The following LRRTM1 variants were observed in gnomAD, a reference collection of about 807,000 sequenced individuals.
LRRTM1 encodes leucine rich repeat transmembrane neuronal 1, also known as leucine-rich repeat transmembrane neuronal protein 1.
Under a neutral mutation model 37.3 loss-of-function variants are expected in LRRTM1, and 8 were observed. The observed-to-expected ratio is 0.21, with a 90% confidence interval of 0.13 to 0.39. The LOEUF (loss-of-function observed/expected upper bound fraction) is 0.39. Among genes scored for constraint, LRRTM1 ranks in the 10% least tolerant of loss-of-function variants. The probability of loss-of-function intolerance (pLI) is 1.00; values close to 1 mark genes in which losing one functional copy is unlikely to be tolerated. For missense variants in LRRTM1, 557 were observed against 691.0 expected (o/e 0.81, Z 2.17); for synonymous variants, 326 against 316.8 (o/e 1.03, Z -0.31).
intron 2 of LRRTM1, among the ~76,000 whole-genome samples, chr2:80,290,220 A>G (rs1368550388): frequency 6.6e-6 from 1 of 152,194 alleles, no homozygotes; most frequent in Non-Finnish European, 1.5e-5. Context: ...AATTAATTCC[A>G]TGCCAGATAG....
downstream of LRRTM1, chr2:80,298,091 A>G (rs991276797): frequency 2.6e-5 from 4 of 151,778 alleles, no homozygotes; most frequent in Admixed American, 6.6e-5. Context: ...GTGTGCTGTT[A>G]TATATACAGA....
At position 80,304,246 on chromosome 2, in the gene LRRTM1, G is replaced by T. The variant is rs1249851462; in HGVS notation, c.-154C>A. 6.4e-6 allele frequency: 1 copy of T among 155,976 alleles called. No homozygotes were observed. The highest frequency in any genetic ancestry group is 1.4e-5 in the Non-Finnish European group (1 of 70,494). 9.7% of individuals were successfully genotyped at this position (155,976 alleles called of 1,614,324 possible). On this transcript the variant is annotated 5_prime_UTR_variant, in exon 1 of 2. Coordinates refer to ENST00000295057, the MANE Select transcript of LRRTM1 (RefSeq NM_178839.5). ...AGAGAAGACCCCTCTGTGTTTCCGA[G>T]GCAGCCCCGGTCCGCGGCCGGCGGA...
Position 80,302,147 on chromosome 2 carries a change from G to C in LRRTM1, c.*104C>G, listed in dbSNP as rs1676378809. On this transcript the variant is annotated 3_prime_UTR_variant, in exon 2 of 2. Coordinates refer to ENST00000295057, the MANE Select transcript of LRRTM1 (RefSeq NM_178839.5). The surrounding 1 kb of genome is among the most constrained non-coding windows in gnomAD (Gnocchi z 6.4). ...ATCCCCTTAAAGTTTCAGTCAAGGA[G>C]CATATCAGAGCACAGACAAGGAGAC... 1.4e-5 allele frequency: 19 copies of C among 1,394,340 alleles called. No individual in the cohort carries two copies. Among genetic ancestry groups the C allele is most frequent in the Non-Finnish European group, 1.7e-5 (18 of 1,037,422 alleles). The allele number at this position is 1,394,340 out of a possible 1,614,324, so 86.4% of individuals were successfully genotyped here.
At chr2:80,295,545 G>A (rs1471330634) in intron 2 of LRRTM1, among the ~76,000 whole-genome samples, 1 of 152,106 alleles carries the variant, frequency 6.6e-6, no homozygotes, top group Non-Finnish European at 1.5e-5. Context: ...TTAATTTTCT[G>A]GTTAAGTGAC....
At chr2:80,289,750 C>T (rs943360725) in intron 2 of LRRTM1, among the ~76,000 whole-genome samples, 10 of 152,132 alleles carry the variant, frequency 6.6e-5, no homozygotes, top group African/African-American at 2.2e-4. Context: ...CTGTCTAAGG[C>T]CACTTAGCCC....
chr2:80,302,369 G>C lies in LRRTM1; in HGVS notation c.1451C>G (p.Ser484Cys). 1 of 1,614,242 alleles carries C rather than the reference G, an allele frequency of 6.2e-7. No individual in the cohort carries two copies. Among genetic ancestry groups the C allele is most frequent in the Non-Finnish European group, 8.5e-7 (1 of 1,180,040 alleles). Residue 484 changes from serine (S) to cysteine (C), a missense_variant, in exon 2 of 2, where the codon TCT becomes TGT. Ser to Cys is a moderately radical substitution (Grantham distance 112). Around this residue, in one of 5 missense-constraint regions of LRRTM1, gnomAD observed 90 missense variants for 149.4 expected, o/e 0.60. Transcript: ENST00000295057. The surrounding 1 kb of genome is among the most constrained non-coding windows in gnomAD (Gnocchi z 6.4). ...KQTMHQMAAM[S>C]AQEYYVDYKP... ...GTAATCAACGTAGTATTCCTGGGCA[G>C]ACATGGCAGCCATCTGATGCATGGT...
At position 80,302,602 on chromosome 2, in the gene LRRTM1, G is replaced by A. The variant is rs769080308; in HGVS notation, c.1218C>T (p.Phe406=). The A allele has an allele frequency of 1.1e-5, 17 of 1,606,416 alleles. No individual in the cohort carries two copies. The highest frequency in any genetic ancestry group is 1.4e-5 in the Non-Finnish European group (17 of 1,178,838). The change falls in exon 2 of 2, where the codon TTC becomes TTT. Residue 406 remains phenylalanine (F), a synonymous_variant. Transcript: ENST00000295057. This position sits in a 1 kb window ranked among gnomAD's most constrained non-coding sequence, Gnocchi z 6.4. ...DGGEGQHDGT[F]EPATVALPGG... ...CTGGAAGAGCCACGGTGGCAGGCTCGAATGTGCCGTCGTGCTGCCCCTCCC... is the reference window on the plus strand; with the variant it reads ...CTGGAAGAGCCACGGTGGCAGGCTCAAATGTGCCGTCGTGCTGCCCCTCCC...
chr2:80,296,985 T>C (rs1289005239), downstream of LRRTM1, among the ~76,000 whole-genome samples: 1 of 152,204 alleles, frequency 6.6e-6, no homozygotes, highest in African/African-American at 2.4e-5. Flanking sequence ...TATGGATGTC[T>C]CTACTTTACT....
At chr2:80,294,841 T>C (rs1675602512) in intron 2 of LRRTM1, among the ~76,000 whole-genome samples, 1 of 152,104 alleles carries the variant, frequency 6.6e-6, no homozygotes, top group Non-Finnish European at 1.5e-5. Flanking sequence ...GAATTCCTTC[T>C]TCTCATAACA....
chr2:80,293,724 C>A (rs1675473181), intron 2 of LRRTM1, among the ~76,000 whole-genome samples: 1 of 152,146 alleles, frequency 6.6e-6, no homozygotes, highest in East Asian at 1.9e-4. Context: ...GATCAGTGTC[C>A]TACTAGGATT....
At position 80,303,722 on chromosome 2, in the gene LRRTM1, G is replaced by A. The variant is rs1464347534; in HGVS notation, c.98C>T (p.Pro33Leu). 6.2e-7 allele frequency: 1 copy of A among 1,605,984 alleles called. No homozygotes were observed. The highest frequency in any genetic ancestry group is 1.7e-5 in the Admixed American group (1 of 59,500). The change falls in exon 2 of 2, where the codon CCC (proline) becomes CTC (leucine). Residue 33 changes from proline to leucine, a missense_variant. Physicochemically the swap from Pro to Leu is moderately conservative, Grantham distance 98 (BLOSUM62 -3). Around this residue, in one of 5 missense-constraint regions of LRRTM1, gnomAD observed 140 missense variants for 138.1 expected, o/e 1.01. Transcript: ENST00000295057. The surrounding 1 kb of genome is among the most constrained non-coding windows in gnomAD (Gnocchi z 7.7). Reference protein sequence around the residue: ...CLLGACFQMLPAAPSGCPQLC... With the variant: ...CLLGACFQMLLAAPSGCPQLC... ...CTGCGGGCACCCGCTGGGGGCGGCG[G>A]GCAGCATCTGAAAGCAGGCCCCCAG... is the stretch of plus-strand genomic sequence containing the variant.
chr2:80,302,194 C>T lies in LRRTM1; in HGVS notation c.*57G>A, dbSNP rs1676386239. Reference sequence around the variant, plus strand: ...AGACCCCAGCCTGGTGCCCGCCGGCCCGTCCCGGCTGCCCAGGCGTATTTG... The same window carrying T: ...AGACCCCAGCCTGGTGCCCGCCGGCTCGTCCCGGCTGCCCAGGCGTATTTG... On this transcript the variant is annotated 3_prime_UTR_variant, in exon 2 of 2. Coordinates refer to ENST00000295057, the MANE Select transcript of LRRTM1 (RefSeq NM_178839.5). The surrounding 1 kb of genome is among the most constrained non-coding windows in gnomAD (Gnocchi z 6.4). The T allele has an allele frequency of 6.4e-7, 1 of 1,566,126 alleles. No homozygotes were observed. The highest frequency in any genetic ancestry group is 1.3e-5 in the African/African-American group (1 of 74,090).
chr2:80,294,460 C>T (rs1408283329), intron 2 of LRRTM1, among the ~76,000 whole-genome samples: 2 of 151,580 alleles, frequency 1.3e-5, no homozygotes, highest in African/African-American at 4.8e-5. Flanking sequence ...GGAGCCCTGA[C>T]CCCATGGAGC....
Position 80,302,545 on chromosome 2 carries a change from G to A in LRRTM1, c.1275C>T (p.Ile425=). ...CCATGGTGCCCGTGACCACCTTGTG[G>A]ATCTGCACGGCGTTCTCGGCGTGCT... ...GGEHAENAVQ[I]HKVVTGTMAL... is the part of the protein sequence containing the mutation. Residue 425 remains isoleucine (I), a synonymous_variant, in exon 2 of 2, where the codon ATC becomes ATT. Coordinates refer to ENST00000295057, the MANE Select transcript of LRRTM1 (RefSeq NM_178839.5). The surrounding 1 kb of genome is among the most constrained non-coding windows in gnomAD (Gnocchi z 6.4). 1 of 1,610,512 alleles carries A rather than the reference G, an allele frequency of 6.2e-7. No individual in the cohort carries two copies. The highest frequency in any genetic ancestry group is 1.3e-5 in the African/African-American group (1 of 75,068).
Position 80,303,901 on chromosome 2 carries a change from G to A in LRRTM1, c.-59-23C>T. 1 of 1,422,814 alleles carries A rather than the reference G, an allele frequency of 7.0e-7. No individual in the cohort carries two copies. Among genetic ancestry groups the A allele is most frequent in the Non-Finnish European group, 9.2e-7 (1 of 1,083,502 alleles). 88.1% of individuals were successfully genotyped at this position (1,422,814 alleles called of 1,614,324 possible). Reference sequence around the variant, plus strand: ...AATCTACATCATATTTTATTCCGAGGGAGGGGAAGCGGGGGAGGGGGAGAA... The same window carrying A: ...AATCTACATCATATTTTATTCCGAGAGAGGGGAAGCGGGGGAGGGGGAGAA... On this transcript the variant is annotated intron_variant, in intron 1 of 1. Transcript: ENST00000295057. The surrounding 1 kb of genome is among the most constrained non-coding windows in gnomAD (Gnocchi z 7.7).
At position 80,302,609 on chromosome 2, in the gene LRRTM1, C is replaced by G; in HGVS notation, c.1211G>C (p.Gly404Ala). 6.2e-7 allele frequency: 1 copy of G among 1,605,800 alleles called. No individual in the cohort carries two copies. Residue 404 changes from glycine (G) to alanine (A), a missense_variant, in exon 2 of 2, where the codon GGC (glycine) becomes GCC (alanine). Gly to Ala is a moderately conservative substitution (Grantham distance 60). Transcript: ENST00000295057. The surrounding 1 kb of genome is among the most constrained non-coding windows in gnomAD (Gnocchi z 6.4). ...AGCCACGGTGGCAGGCTCGAATGTGCCGTCGTGCTGCCCCTCCCCGCCGTC... is the reference window on the plus strand; with the variant it reads ...AGCCACGGTGGCAGGCTCGAATGTGGCGTCGTGCTGCCCCTCCCCGCCGTC... ...LADGGEGQHD[G>A]TFEPATVALP...
downstream of LRRTM1, among the ~76,000 whole-genome samples, chr2:80,300,894 G>T (rs548546936): frequency 6.6e-6 from 1 of 151,226 alleles, no homozygotes; most frequent in Non-Finnish European, 1.5e-5. Flanking sequence ...AAATCTCAAT[G>T]ATGGACCTGG....
rs761682948 is a variant in LRRTM1, at chr2:80,303,385, C to G, written c.435G>C (p.Ser145=). 1 of 1,614,152 alleles carries G rather than the reference C, an allele frequency of 6.2e-7. No individual in the cohort carries two copies. The highest frequency in any genetic ancestry group is 8.5e-7 in the Non-Finnish European group (1 of 1,180,030). The change falls in exon 2 of 2, where the codon TCG becomes TCC. Residue 145 remains serine (S), a synonymous_variant. Transcript: ENST00000295057. The surrounding 1 kb of genome is among the most constrained non-coding windows in gnomAD (Gnocchi z 7.7). ...GCGCGAGCGCCTGCAGCTTGTTGTA[C>G]GAGAGGTCCACGCTGCGCAGGTTGG... ...PMPNLRSVDL[S]YNKLQALAPD... is the part of the protein sequence containing the mutation.
downstream of LRRTM1, among the ~76,000 whole-genome samples, chr2:80,297,973 G>A (rs190788976): frequency 9.0e-3 from 1,359 of 150,932 alleles, 9 homozygotes; most frequent in Non-Finnish European, 0.016. Context: ...GCGCGTGTAT[G>A]GGTGTGTGTG....
Sources: allele counts gnomAD v4.1 joint callset (sites outside exome capture counted in the v4.1 genomes callset), GRCh38; gene constraint gnomAD v4.1.1; regional missense constraint gnomAD v4.1.1; non-coding constraint Gnocchi (gnomAD v3.1); transcripts MANE v1.5; gene names NCBI Gene and HGNC (gene_info 2026-07-23, HGNC 2026-07-21).